The following ZNF765 variants were observed in gnomAD, a reference collection of about 807,000 sequenced individuals.
ZNF765 encodes the protein zinc finger protein 765.
ZNF765 carries 37 observed loss-of-function variants against 44.7 expected under a neutral mutation model. That is an observed-to-expected ratio of 0.83 (90% confidence interval 0.64 to 1.09). The LOEUF is 1.09. Among genes scored for constraint, ZNF765 ranks in the 50% least tolerant of loss-of-function variants. The pLI, the probability that ZNF765 is intolerant of heterozygous loss-of-function variation, is 0.00. For missense variants in ZNF765, 594 were observed against 626.1 expected (o/e 0.95, Z 0.55); for synonymous variants, 201 against 213.7 (o/e 0.94, Z 0.52).
At chr19:53,407,496 A>G (rs1432883867) in intron 3 of ZNF765, among the ~76,000 whole-genome samples, 1 of 152,212 alleles carries the variant, frequency 6.6e-6, no homozygotes, top group Admixed American at 6.5e-5. Context: ...GATATTGGAA[A>G]TAGACTTCCG....
chr19:53,402,234 T>G (rs200896691), intron 3 of ZNF765, 43 bp downstream of exon 3: 38 of 1,571,600 alleles, frequency 2.4e-5, no homozygotes, highest in Non-Finnish European at 2.7e-5. Context: ...TTGCGTATCT[T>G]TGTATTTTCT....
chr19:53,415,027 T>G (rs895197277), downstream of ZNF765, among the ~76,000 whole-genome samples: 2 of 152,078 alleles, frequency 1.3e-5, no homozygotes, highest in Admixed American at 1.3e-4. Flanking sequence ...ATCCCAGCAC[T>G]TTGGGAGGTT....
chr19:53,414,276 A>T (rs2085856614), downstream of ZNF765, among the ~76,000 whole-genome samples: 1 of 145,780 alleles, frequency 6.9e-6, no homozygotes, highest in African/African-American at 2.5e-5. Flanking sequence ...CAAACATGGT[A>T]TGATATAAAA....
At position 53,408,668 on chromosome 19, in the gene ZNF765, A is replaced by G. The variant is rs754007672; in HGVS notation, c.1113A>G (p.Thr371=). 3 of 1,613,872 alleles carry G rather than the reference A, an allele frequency of 1.9e-6. No individual in the cohort carries two copies. The highest frequency in any genetic ancestry group is 2.5e-6 in the Non-Finnish European group (3 of 1,179,888). ...GKTFSRKSHF[T]CHHRVHTGEK... ...CCTTTAGTCGGAAGTCACATTTTAC[A>G]TGCCATCATAGAGTTCATACTGGAG... Residue 371 remains threonine, a synonymous_variant, in exon 4 of 4, where the codon ACA becomes ACG. Transcript: ENST00000396408.
Position 53,409,174 on chromosome 19 carries a change from C to G in ZNF765, c.*47C>G. 1 of 1,482,272 alleles carries G rather than the reference C, an allele frequency of 6.7e-7. No homozygotes were observed. Among genetic ancestry groups the G allele is most frequent in the Non-Finnish European group, 9.4e-7 (1 of 1,062,366 alleles). The allele number at this position is 1,482,272 out of a possible 1,614,324, so 91.8% of individuals were successfully genotyped here. On this transcript the variant is annotated 3_prime_UTR_variant, in exon 4 of 4. Coordinates refer to ENST00000396408, the MANE Select transcript of ZNF765 (RefSeq NM_001040185.3). ...TCAGGAGTTAACCCTTACATGCCATCGTAGGCTTCATAGTGGAGAGAAACC... is the reference window on the plus strand; with the variant it reads ...TCAGGAGTTAACCCTTACATGCCATGGTAGGCTTCATAGTGGAGAGAAACC...
chr19:53,418,950 A>T (rs1015712135), intron 3 of ZNF765, among the ~76,000 whole-genome samples: 4 of 150,138 alleles, frequency 2.7e-5, no homozygotes, highest in African/African-American at 9.8e-5. Context: ...AAGTGATCAC[A>T]TCAAGAAAAG....
At chr19:53,420,148 T>A (rs10417754) in intron 3 of ZNF765, among the ~76,000 whole-genome samples, 123,887 of 152,074 alleles carry the variant, frequency 0.81, 50,797 homozygotes, top group Non-Finnish European at 0.86. Flanking sequence ...CCTGGCCAAC[T>A]TGGTGAATCC....
chr19:53,414,492 C>CACCACCACCACCA (rs1568786161), downstream of ZNF765, among the ~76,000 whole-genome samples: 5 of 15,532 alleles, frequency 3.2e-4, no homozygotes, highest in Non-Finnish European at 9.7e-4. Flanking sequence ...CACACACACC[C>CACCACCACCACCA]CCCCCCCCCC....
intron 3 of ZNF765, among the ~76,000 whole-genome samples, chr19:53,407,175 AT>A (rs781771325): frequency 1.3e-5 from 2 of 152,156 alleles, no homozygotes; most frequent in Admixed American, 6.5e-5. Flanking sequence ...ACTAAAAAAG[AT>A]TAAAAATTAC....
At chr19:53,415,747 TTC>T (rs1490035571), downstream of ZNF765, among the ~76,000 whole-genome samples, 2 of 152,126 alleles carry the variant, frequency 1.3e-5, no homozygotes, top group Non-Finnish European at 2.9e-5. Context: ...GGGGGCAGAA[TTC>T]TCTTCTAAGC....
At chr19:53,413,292 A>G (rs754592147), downstream of ZNF765, 21 of 587,374 alleles carry the variant, frequency 3.6e-5, no homozygotes, top group Non-Finnish European at 6.9e-5. Flanking sequence ...TGGTAATAAA[A>G]TCAGGTACAA....
chr19:53,397,906 G>C, intron 1 of ZNF765, 37 bp from the exon 2 acceptor site: 1 of 1,532,902 alleles, frequency 6.5e-7, no homozygotes, highest in East Asian at 2.2e-5. Flanking sequence ...GGGATATGTT[G>C]ATTCTGAGCA....
At chr19:53,413,991 A>G (rs912152556), downstream of ZNF765, among the ~76,000 whole-genome samples, 3 of 147,126 alleles carry the variant, frequency 2.0e-5, no homozygotes, top group African/African-American at 7.5e-5. Context: ...CGCTAATCCC[A>G]CCACGTTGGG....
downstream of ZNF765, among the ~76,000 whole-genome samples, chr19:53,415,428 A>G (rs1006366328): frequency 6.6e-6 from 1 of 152,198 alleles, no homozygotes; most frequent in African/African-American, 2.4e-5. Flanking sequence ...GTTGTATGTG[A>G]TTTCAGATGC....
chr19:53,421,530 T>C (rs2147108326), intron 3 of ZNF765, among the ~76,000 whole-genome samples: 1 of 152,330 alleles, frequency 6.6e-6, no homozygotes, highest in African/African-American at 2.4e-5. Context: ...TTTTTTTTTT[T>C]TGAGACGGAG....
chr19:53,414,586 T>A (rs62117293), downstream of ZNF765, among the ~76,000 whole-genome samples: 112 of 149,000 alleles, frequency 7.5e-4, 1 homozygote, highest in Non-Finnish European at 1.4e-3. Context: ...CCTTATAGAC[T>A]TTCTTGCAAA....
chr19:53,405,245 G>A (rs1348461574), intron 3 of ZNF765, among the ~76,000 whole-genome samples: 8 of 151,744 alleles, frequency 5.3e-5, no homozygotes, highest in Non-Finnish European at 8.8e-5. Context: ...CCAAGTACTT[G>A]AGAGGCCGAG....
chr19:53,414,852 T>C (rs148895253), downstream of ZNF765, among the ~76,000 whole-genome samples: 2,037 of 152,050 alleles, frequency 0.013, 16 homozygotes, highest in Non-Finnish European at 0.016. Flanking sequence ...AGGGCACAGA[T>C]GGACACACTC....
rs1411589277 is a variant in ZNF765 at position 53,423,208 on chromosome 19, C to T, written c.*106C>T. ...CCTGTGTGTTCCTCAGCTGGCTCCTCCCTGGTCAATATCATTGTTCTCATG... is the reference window on the plus strand; with the variant it reads ...CCTGTGTGTTCCTCAGCTGGCTCCTTCCTGGTCAATATCATTGTTCTCATG... On this transcript the variant is annotated 3_prime_UTR_variant, in exon 4 of 4. Transcript: ENST00000594030. 1.1e-5 allele frequency: 8 copies of T among 697,166 alleles called. No homozygotes were observed. In the African/African-American group the frequency reaches 1.4e-4, roughly 12 times the overall value. 43.2% of individuals were successfully genotyped at this position (697,166 alleles called of 1,614,324 possible). A position where few individuals can be genotyped will look rare whatever the true frequency, so the allele number is the denominator to read the frequency against.
Sources: gnomAD v4.1 joint callset for allele counts (sites outside exome capture counted in the v4.1 genomes callset) on GRCh38, gnomAD v4.1.1 for gene constraint, MANE v1.5 for transcripts, NCBI Gene and HGNC (gene_info 2026-07-23, HGNC 2026-07-21) for gene names.